The following CWF19L1 variants were observed in gnomAD, a reference collection of about 807,000 sequenced individuals.
CWF19L1 encodes the protein CWF19 like cell cycle control factor 1, also known as CWF19-like protein 1.
CWF19L1 carries 60 observed loss-of-function variants against 69.7 expected under a neutral mutation model. That is an observed-to-expected ratio of 0.86 (90% CI 0.70 to 1.07). The LOEUF is 1.07. Among genes scored for constraint, CWF19L1 ranks in the 50% least tolerant of loss-of-function variants. The probability of loss-of-function intolerance (pLI) is 0.00; values close to 1 mark genes in which losing one functional copy is unlikely to be tolerated. For synonymous variants in CWF19L1, 209 were observed against 222.2 expected, an observed-to-expected ratio of 0.94 and a Z score of 0.53; for missense variants, 591 against 638.9, an observed-to-expected ratio of 0.92 and a Z score of 0.81.
At position 100,233,133 on chromosome 10, in the gene CWF19L1, G is replaced by T; in HGVS notation, c.*94C>A. On this transcript the variant is annotated 3_prime_UTR_variant, in exon 14 of 14. Transcript: ENST00000354105. ...ACTGCAATCCTGCTTGGGTGACAGA[G>T]CGAGACTTTGTCTCAAAAAAAATTC... 1 of 1,301,062 alleles carries T rather than the reference G, an allele frequency of 7.7e-7. No individual in the cohort carries two copies. Among genetic ancestry groups the T allele is most frequent in the Non-Finnish European group, 1.0e-6 (1 of 965,070 alleles). The allele number at this position is 1,301,062 out of a possible 1,614,324, so 80.6% of individuals were successfully genotyped here.
chr10:100,258,273 T>C (rs1676598794), intron 4 of CWF19L1, among the ~76,000 whole-genome samples: 1 of 152,150 alleles, frequency 6.6e-6, no homozygotes, highest in East Asian at 1.9e-4. Context: ...CTTCCAACTA[T>C]ATGTTGGATG....
intron 8 of CWF19L1, 36 bp downstream of exon 8, chr10:100,246,759 C>A: frequency 6.4e-7 from 1 of 1,571,104 alleles, no homozygotes; most frequent in Non-Finnish European, 8.7e-7. Context: ...AGGAAAAGAA[C>A]ACATATAAAA....
In CWF19L1 at chr10:100,235,732, A is replaced by G; in HGVS notation, c.1407T>C (p.Val469=). The change falls in exon 13 of 14, where the codon GTT becomes GTC. Residue 469 remains valine, a synonymous_variant. Transcript: ENST00000354105. ...IAQPGAAYFY[V]ELDTGEKLFH... ...AAAGCTTTTCTCCTGTGTCAAGTTCAACATAAAAATATGCTGCTCCTGGCT... is the reference window on the plus strand; with the variant it reads ...AAAGCTTTTCTCCTGTGTCAAGTTCGACATAAAAATATGCTGCTCCTGGCT... 1.2e-6 allele frequency: 2 copies of G among 1,612,334 alleles called. No individual in the cohort carries two copies. The highest frequency in any genetic ancestry group is 1.7e-6 in the Non-Finnish European group (2 of 1,179,874).
chr10:100,262,995 C>T (rs1465979055), intron 1 of CWF19L1, among the ~76,000 whole-genome samples: 1 of 151,836 alleles, frequency 6.6e-6, no homozygotes, highest in East Asian at 1.9e-4. Flanking sequence ...AGTGGCACGA[C>T]CTTGGCTCAC....
chr10:100,238,302 C>A, intron 10 of CWF19L1, 71 bp from the exon 11 acceptor site: 4 of 1,436,916 alleles, frequency 2.8e-6, no homozygotes, highest in Admixed American at 3.6e-5. Context: ...AAAACCTATA[C>A]AAAAAGTGAG....
chr10:100,248,217 G>A, intron 7 of CWF19L1: 1 of 740,674 alleles, frequency 1.4e-6, no homozygotes, highest in Non-Finnish European at 2.4e-6. Flanking sequence ...TTTATGTGGA[G>A]GTCAGAGTGG....
At chr10:100,241,224 C>G (rs182025696) in intron 10 of CWF19L1, among the ~76,000 whole-genome samples, 34 of 152,122 alleles carry the variant, frequency 2.2e-4, no homozygotes, top group Admixed American at 1.6e-3. Context: ...CCAGGCTGGT[C>G]TTGAACTCCT....
Position 100,237,893 on chromosome 10 carries a change from A to T in CWF19L1, c.1254+129T>A, listed in dbSNP as rs180979312. On this transcript the variant is annotated intron_variant, in intron 11 of 13. Coordinates refer to ENST00000354105, the MANE Select transcript of CWF19L1 (RefSeq NM_018294.6). ...TGAACTCCTGAGCTCAGGCAATCCA[A>T]CCGCTTCGGCCTCCCAAAGTGCTAG... The T allele has an allele frequency of 8.3e-4, 658 of 792,490 alleles. 2 individuals are homozygous for T. The highest frequency in any genetic ancestry group is 7.6e-3 in the African/African-American group (444 of 58,162). 49.1% of individuals were successfully genotyped at this position (792,490 alleles called of 1,614,324 possible).
chr10:100,244,624 G>A (rs1308685168), intron 9 of CWF19L1, among the ~76,000 whole-genome samples: 1 of 152,066 alleles, frequency 6.6e-6, no homozygotes, highest in Non-Finnish European at 1.5e-5. Flanking sequence ...CAAAGTGCTG[G>A]GATTATAGGC....
chr10:100,238,489 A>G (rs1403711943), intron 10 of CWF19L1, among the ~76,000 whole-genome samples: 1 of 152,206 alleles, frequency 6.6e-6, no homozygotes, highest in African/African-American at 2.4e-5. Context: ...TGGGAGAGGC[A>G]CACAAGCAGG....
intron 6 of CWF19L1, among the ~76,000 whole-genome samples, chr10:100,250,578 T>A (rs1305551863): frequency 6.6e-6 from 1 of 152,182 alleles, no homozygotes; most frequent in African/African-American, 2.4e-5. Context: ...ACTTTTGGCT[T>A]TAAAAGAGTT....
intron 6 of CWF19L1, among the ~76,000 whole-genome samples, chr10:100,252,525 G>A (rs1047642477): frequency 6.6e-6 from 1 of 150,726 alleles, no homozygotes; most frequent in Non-Finnish European, 1.5e-5. Context: ...GAGTGCAAAA[G>A]AAAAAAAATA....
At chr10:100,263,958 G>C (rs937363195) in intron 1 of CWF19L1, among the ~76,000 whole-genome samples, 7 of 152,152 alleles carry the variant, frequency 4.6e-5, no homozygotes, top group Non-Finnish European at 8.8e-5. Context: ...AACCTTTTTA[G>C]GTTAAAGACA....
At chr10:100,250,414 C>T (rs189369542) in intron 6 of CWF19L1, 82 bp from the exon 7 acceptor site, 16 of 836,284 alleles carry the variant, frequency 1.9e-5, no homozygotes, top group Admixed American at 5.5e-5. Flanking sequence ...CTCTATGGGG[C>T]CATAAAAAGA....
chr10:100,256,556 G>T lies in CWF19L1; in HGVS notation c.290-80C>A, dbSNP rs1420938938. Reference sequence around the variant, plus strand: ...ATCAATAGGGGGATGAATCTCCCATGACTCTCCTATGTCCCTGCCATTTTA... The same window carrying T: ...ATCAATAGGGGGATGAATCTCCCATTACTCTCCTATGTCCCTGCCATTTTA... On this transcript the variant is annotated intron_variant, in intron 4 of 13. Coordinates refer to ENST00000354105, the MANE Select transcript of CWF19L1 (RefSeq NM_018294.6). 4 of 1,076,674 alleles carry T rather than the reference G, an allele frequency of 3.7e-6. No homozygotes were observed. The Admixed American group carries it at 7.2e-5, about 19-fold the overall frequency. 66.7% of individuals were successfully genotyped at this position (1,076,674 alleles called of 1,614,324 possible). A position where few individuals can be genotyped will look rare whatever the true frequency, so the allele number is the denominator to read the frequency against.
At chr10:100,259,848 A>G (rs1335234012) in intron 4 of CWF19L1, among the ~76,000 whole-genome samples, 1 of 152,196 alleles carries the variant, frequency 6.6e-6, no homozygotes, top group African/African-American at 2.4e-5. Context: ...ATTCCTGAGA[A>G]CACTATATTA....
chr10:100,246,078 C>T, intron 8 of CWF19L1, 165 bp from the exon 9 acceptor site: 2 of 563,028 alleles, frequency 3.6e-6, no homozygotes, highest in Non-Finnish European at 6.3e-6. Flanking sequence ...GTTCTGATGC[C>T]TGAAGTCTCA....
intron 13 of CWF19L1, 84 bp downstream of exon 13, chr10:100,235,583 G>C (rs1846406138): frequency 1.9e-5 from 18 of 923,184 alleles, no homozygotes; most frequent in Non-Finnish European, 3.1e-5. Flanking sequence ...TTACAATTTA[G>C]CTTTTTATCA....
intron 5 of CWF19L1, among the ~76,000 whole-genome samples, chr10:100,255,320 AC>A: frequency 6.6e-6 from 1 of 152,068 alleles, no homozygotes; most frequent in Non-Finnish European, 1.5e-5. Flanking sequence ...GGAGTTCAAG[AC>A]CAGCCTGGGC....
Sources: gnomAD v4.1 joint callset for allele counts (sites outside exome capture counted in the v4.1 genomes callset) on GRCh38, gnomAD v4.1.1 for gene constraint, MANE v1.5 for transcripts, NCBI Gene and HGNC (gene_info 2026-07-23, HGNC 2026-07-21) for gene names.